The following OSBPL2 variants were observed in gnomAD, a reference collection of about 807,000 sequenced individuals.
OSBPL2 encodes oxysterol binding protein like 2.
OSBPL2 carries 18 observed loss-of-function variants against 58.4 expected under a neutral mutation model. The observed-to-expected ratio is 0.31, with a 90% confidence interval of 0.21 to 0.46. The LOEUF (loss-of-function observed/expected upper bound fraction) is 0.46. OSBPL2 is among the 20% of genes least tolerant of loss of function. The pLI, the probability that OSBPL2 is intolerant of heterozygous loss-of-function variation, is 1.00. For synonymous variants in OSBPL2, 221 were observed against 234.1 expected, an observed-to-expected ratio of 0.94 and a Z score of 0.51; for missense variants, 461 against 616.5, an observed-to-expected ratio of 0.75 and a Z score of 2.67.
Position 62,295,435 on chromosome 20 carries a change from G to A in OSBPL2, c.*1548G>A, listed in dbSNP as rs963277578. On this transcript the variant is annotated 3_prime_UTR_variant, in exon 14 of 14. Transcript: ENST00000313733. The surrounding 1 kb of genome is among the most constrained non-coding windows in gnomAD (Gnocchi z 4.8). ...AGGTGCCACCTGCGTGTGTCTTGGC[G>A]TCCACATCACACCTGTGACGGAAGC... The A allele has an allele frequency of 1.3e-5, 2 of 152,182 alleles. No individual in the cohort carries two copies. Among genetic ancestry groups the A allele is most frequent in the Admixed American group, 6.5e-5 (1 of 15,288 alleles). The allele number at this position is 152,182 out of a possible 1,614,324, so 9.4% of individuals were successfully genotyped here. A position where few individuals can be genotyped will look rare whatever the true frequency, so the allele number is the denominator to read the frequency against.
chr20:62,246,212 C>A (rs565541540), intron 1 of OSBPL2, among the ~76,000 whole-genome samples: 36 of 152,366 alleles, frequency 2.4e-4, no homozygotes, highest in African/African-American at 7.7e-4. Context: ...TGGCTCAGCC[C>A]CATGGGGCCC....
At position 62,256,153 on chromosome 20, in the gene OSBPL2, T is replaced by A; in HGVS notation, c.-32T>A. ...TACGATGATTCAGTAGAAGAGCACATGTCAGGGGCAGTGGAGGCTGGCTGC... is the reference window on the plus strand; with the variant it reads ...TACGATGATTCAGTAGAAGAGCACAAGTCAGGGGCAGTGGAGGCTGGCTGC... On this transcript the variant is annotated 5_prime_UTR_variant, in exon 2 of 14. An upstream start codon of the reference 5' UTR is lost. Transcript: ENST00000313733. The A allele has an allele frequency of 6.2e-7, 1 of 1,612,168 alleles. No individual in the cohort carries two copies. Among genetic ancestry groups the A allele is most frequent in the Non-Finnish European group, 8.5e-7 (1 of 1,178,400 alleles).
At position 62,273,358 on chromosome 20, in the gene OSBPL2, C is replaced by G; in HGVS notation, c.443C>G (p.Thr148Ser). Residue 148 changes from threonine to serine, a missense_variant, in exon 6 of 14, where the codon ACC becomes AGC. Around this residue, in one of 5 missense-constraint regions of OSBPL2, gnomAD observed 4 missense variants for 31.1 expected, o/e 0.13. Transcript: ENST00000313733. ...VSAVASQWER[T>S]GKPFNPLLGE... Reference sequence around the variant, plus strand: ...GCTGTGGCTTCCCAGTGGGAGAGGACCGGCAAACCATTTAATCCACTCTTG... The same window carrying G: ...GCTGTGGCTTCCCAGTGGGAGAGGAGCGGCAAACCATTTAATCCACTCTTG... 6.2e-7 allele frequency: 1 copy of G among 1,603,824 alleles called. No homozygotes were observed. Among genetic ancestry groups the G allele is most frequent in the Non-Finnish European group, 8.5e-7 (1 of 1,176,900 alleles).
At chr20:62,275,239 T>C (rs1337842889) in intron 6 of OSBPL2, among the ~76,000 whole-genome samples, 2 of 152,246 alleles carry the variant, frequency 1.3e-5, no homozygotes, top group Admixed American at 6.5e-5. Context: ...TTTGTTAGAC[T>C]TTCTTTTGTG....
chr20:62,292,811 G>C (rs960414394), intron 13 of OSBPL2, among the ~76,000 whole-genome samples: 3 of 151,818 alleles, frequency 2.0e-5, no homozygotes, highest in African/African-American at 7.3e-5. Flanking sequence ...ACTAGGCTTT[G>C]AATGGTTTGA....
At chr20:62,260,219 C>A in intron 3 of OSBPL2, 94 bp downstream of exon 3, 1 of 1,222,760 alleles carries the variant, frequency 8.2e-7, no homozygotes, top group Non-Finnish European at 1.2e-6. Context: ...GAGCATTGAG[C>A]TGGAGTGGCA....
Position 62,257,382 on chromosome 20 carries a change from G to A in OSBPL2, c.37+1161G>A, listed in dbSNP as rs181822882. Among the ~76,000 whole-genome samples, 556 of 152,346 alleles carry A rather than the reference G, an allele frequency of 3.6e-3. 3 individuals carry two copies. The highest frequency in any genetic ancestry group is 5.6e-3 in the Non-Finnish European group (381 of 68,034). On this transcript the variant is annotated intron_variant, in intron 2 of 13. Coordinates refer to ENST00000313733, the MANE Select transcript of OSBPL2 (RefSeq NM_144498.4). ...ATCCAAAACCCCAGGAGAAGGGGATGATGCGCTCCTTACCGGCTTCAAAGG... is the reference window on the plus strand; with the variant it reads ...ATCCAAAACCCCAGGAGAAGGGGATAATGCGCTCCTTACCGGCTTCAAAGG...
rs2274939 is a variant in OSBPL2 at position 62,281,887 on chromosome 20, C to T, written c.872+8C>T. On this transcript the variant is annotated splice_region_variant and intron_variant, in intron 9 of 13. Coordinates refer to ENST00000313733, the MANE Select transcript of OSBPL2 (RefSeq NM_144498.4). ...ACACATTCAAGACAAAAAGTAGGTC[C>T]TTGCCAAGTGTTCATGGGGCACCAC... 5,804 of 1,595,588 alleles carry T rather than the reference C, an allele frequency of 3.6e-3. 104 individuals are homozygous for T. The East Asian group carries it at 0.045, about 12-fold the overall frequency.
chr20:62,266,247 A>C (rs1296851408), intron 4 of OSBPL2, among the ~76,000 whole-genome samples: 1 of 152,244 alleles, frequency 6.6e-6, no homozygotes, highest in Admixed American at 6.5e-5. Context: ...GTGAGCACGT[A>C]GGACTGGCAA....
intron 1 of OSBPL2, among the ~76,000 whole-genome samples, chr20:62,246,008 G>A (rs6142731): frequency 0.17 from 26,619 of 152,314 alleles, 2,476 homozygotes; most frequent in Non-Finnish European, 0.22. Context: ...TGTCCTTGAC[G>A]GCCCTCCATC....
chr20:62,239,016 C>G (rs1244739672), intron 1 of OSBPL2: 4 of 152,118 alleles, frequency 2.6e-5, no homozygotes, highest in Non-Finnish European at 4.4e-5. Flanking sequence ...CTCTCACCAC[C>G]TCACCGGGAA....
intron 1 of OSBPL2, chr20:62,238,932 C>T (rs1568818280): frequency 6.6e-6 from 1 of 152,152 alleles, no homozygotes; most frequent in Admixed American, 6.5e-5. Context: ...CCGGCCCCCC[C>T]GAGATCCCCA....
At chr20:62,287,774 T>G (rs530369450) in intron 11 of OSBPL2, among the ~76,000 whole-genome samples, 1 of 152,368 alleles carries the variant, frequency 6.6e-6, no homozygotes, top group African/African-American at 2.4e-5. Context: ...ACTATTGGTA[T>G]TTTAAATTTA....
In OSBPL2 at chr20:62,289,220, C is replaced by T; in HGVS notation, c.1139C>T (p.Thr380Ile). The T allele has an allele frequency of 6.2e-7, 1 of 1,613,782 alleles. No individual in the cohort carries two copies. The highest frequency in any genetic ancestry group is 8.5e-7 in the Non-Finnish European group (1 of 1,179,870). The change falls in exon 12 of 14, where the codon ACC becomes ATC. Residue 380 changes from threonine (T) to isoleucine (I), a missense_variant. Thr to Ile is a moderately conservative substitution (Grantham distance 89). Coordinates refer to ENST00000313733, the MANE Select transcript of OSBPL2 (RefSeq NM_144498.4). ...CTTGCTCCACAGATGTATAATTTCA[C>T]CAGTTTCACTGTGAGCCTCAACGAG... ...PPNSAQMYNFTSFTVSLNELE... is the reference protein window; with the variant it reads ...PPNSAQMYNFISFTVSLNELE...
intron 1 of OSBPL2, among the ~76,000 whole-genome samples, chr20:62,254,092 C>T (rs967205277): frequency 1.3e-5 from 2 of 152,134 alleles, no homozygotes; most frequent in Non-Finnish European, 2.9e-5. Context: ...GCCAACACGC[C>T]CGGCCGACTC....
chr20:62,263,165 C>A (rs1981429249), intron 3 of OSBPL2, among the ~76,000 whole-genome samples: 1 of 152,180 alleles, frequency 6.6e-6, no homozygotes, highest in Non-Finnish European at 1.5e-5. Flanking sequence ...GAAAGAAATG[C>A]TCCTCAGGAA....
intron 3 of OSBPL2, 23 bp from the exon 4 acceptor site, chr20:62,263,593 C>G (rs373487900): frequency 1.2e-6 from 2 of 1,605,590 alleles, no homozygotes; most frequent in East Asian, 2.2e-5. Context: ...TTCACCCACA[C>G]GCACCCCTTT....
At chr20:62,259,600 G>T (rs1356798063) in intron 2 of OSBPL2, among the ~76,000 whole-genome samples, 1 of 152,196 alleles carries the variant, frequency 6.6e-6, no homozygotes, top group Non-Finnish European at 1.5e-5. Context: ...CACAACGGGC[G>T]CATCGCAGCC....
At chr20:62,273,874 C>T (rs1982225850) in intron 6 of OSBPL2, among the ~76,000 whole-genome samples, 1 of 152,236 alleles carries the variant, frequency 6.6e-6, no homozygotes, top group Admixed American at 6.5e-5. Flanking sequence ...CCACGTTTGC[C>T]ACCACAGCCT....
Sources: allele counts gnomAD v4.1 joint callset (sites outside exome capture counted in the v4.1 genomes callset), GRCh38; gene constraint gnomAD v4.1.1; regional missense constraint gnomAD v4.1.1; non-coding constraint Gnocchi (gnomAD v3.1); transcripts MANE v1.5; gene names NCBI Gene and HGNC (gene_info 2026-07-23, HGNC 2026-07-21).